TP73: variants seen among roughly 807,000 people sequenced by gnomAD.
TP73 encodes the protein p53-like transcription factor.
Under a neutral mutation model 62.5 loss-of-function variants are expected in TP73, and 25 were observed. That is an observed-to-expected ratio of 0.40 (90% confidence interval 0.29 to 0.56). TP73 has a LOEUF of 0.56. TP73 is among the 20% of genes least tolerant of loss of function. The pLI is 0.46. For missense variants in TP73, 754 were observed against 913.3 expected, an observed-to-expected ratio of 0.83 and a Z score of 2.25; for synonymous variants, 423 against 377.5, an observed-to-expected ratio of 1.12 and a Z score of -1.40.
chr1:3,729,983 C>T lies in TP73; in HGVS notation c.1197-17C>T, dbSNP rs747834242. The T allele has an allele frequency of 6.4e-6, 10 of 1,571,316 alleles. No homozygotes were observed. In the Admixed American group the frequency reaches 1.6e-4, roughly 25 times the overall value. On this transcript the variant is annotated splice_polypyrimidine_tract_variant and intron_variant, in intron 10 of 13. Coordinates refer to ENST00000378295, the MANE Select transcript of TP73 (RefSeq NM_005427.4). Reference sequence around the variant, plus strand: ...CTGCCTTGCTTCCCACCCATGCGAGCCGTTGCTTCTGAGCAGGAGTCACCT... The same window carrying T: ...CTGCCTTGCTTCCCACCCATGCGAGTCGTTGCTTCTGAGCAGGAGTCACCT...
In TP73 at chr1:3,663,361, G is replaced by A. The variant is rs1232372424; in HGVS notation, c.-34+10720G>A. 6.6e-6 allele frequency among the ~76,000 whole-genome samples: 1 copy of A among 152,228 alleles called. No individual in the cohort carries two copies. Among genetic ancestry groups the A allele is most frequent in the Non-Finnish European group, 1.5e-5 (1 of 68,034 alleles). ...TTGAGAATGGAACACCCATCGAACC[G>A]GGGAACTCTGCATATTTTCCTCCTG... is the stretch of plus-strand genomic sequence containing the variant. On this transcript the variant is annotated intron_variant, in intron 1 of 13. Coordinates refer to ENST00000378295, the MANE Select transcript of TP73 (RefSeq NM_005427.4). This position sits in a 1 kb window ranked among gnomAD's most constrained non-coding sequence, Gnocchi z 4.7.
intron 6 of TP73, among the ~76,000 whole-genome samples, chr1:3,725,723 G>T (rs1445711537): frequency 1.6e-5 from 2 of 124,540 alleles, no homozygotes; most frequent in Non-Finnish European, 3.4e-5. Context: ...TGTTTAGATG[G>T]ATGGATAGAT....
intron 6 of TP73, among the ~76,000 whole-genome samples, chr1:3,723,917 A>C (rs1383245158): frequency 6.6e-6 from 1 of 152,044 alleles, no homozygotes; most frequent in East Asian, 1.9e-4. Flanking sequence ...AAGGGGGTTG[A>C]GGGATGGTGG....
At chr1:3,653,251 G>A (rs767432155) in intron 1 of TP73, among the ~76,000 whole-genome samples, 3 of 152,230 alleles carry the variant, frequency 2.0e-5, no homozygotes, top group Non-Finnish European at 4.4e-5. Flanking sequence ...TCTGTCGAGG[G>A]CTCCTGGCCT....
intron 3 of TP73, among the ~76,000 whole-genome samples, chr1:3,686,510 C>T (rs139844736): frequency 3.2e-4 from 49 of 152,264 alleles, no homozygotes; most frequent in African/African-American, 5.1e-4. Flanking sequence ...TGCCCAACCC[C>T]GTGGGCCTCG....
intron 1 of TP73, among the ~76,000 whole-genome samples, chr1:3,667,183 G>C (rs1258246292): frequency 6.6e-6 from 1 of 152,226 alleles, no homozygotes; most frequent in Non-Finnish European, 1.5e-5. Context: ...CCAGAACCAA[G>C]AGAAGACAGG....
chr1:3,692,150 A>C (rs939321833), intron 3 of TP73, among the ~76,000 whole-genome samples: 1 of 152,052 alleles, frequency 6.6e-6, no homozygotes, highest in African/African-American at 2.4e-5. Context: ...TTGGTACTGC[A>C]GGTGTGATTG....
At chr1:3,716,138 T>C (rs972351658) in intron 4 of TP73, among the ~76,000 whole-genome samples, 14 of 152,308 alleles carry the variant, frequency 9.2e-5, no homozygotes, top group Admixed American at 4.6e-4. Context: ...TCTGGGGCTC[T>C]AGCAGGCCTC....
In TP73 at chr1:3,670,719, A is replaced by G. The variant is rs771473906; in HGVS notation, c.-33-11614A>G. The stretch of plus-strand genomic sequence containing the variant: ...AGGAAAAGAAAAAGAAAAAGTGAGG[A>G]GAAATGAGGAGGAAGTCGAGCAATT... On this transcript the variant is annotated intron_variant, in intron 1 of 13. Coordinates refer to ENST00000378295, the MANE Select transcript of TP73 (RefSeq NM_005427.4). This position sits in a 1 kb window ranked among gnomAD's most constrained non-coding sequence, Gnocchi z 5.9. Among the ~76,000 whole-genome samples the G allele has an allele frequency of 2.6e-5, 4 of 152,174 alleles. No individual in the cohort carries two copies. The highest frequency in any genetic ancestry group is 4.4e-5 in the Non-Finnish European group (3 of 68,030).
chr1:3,688,999 C>CAGA (rs1333124046), intron 3 of TP73, among the ~76,000 whole-genome samples: 1 of 152,208 alleles, frequency 6.6e-6, no homozygotes, highest in Non-Finnish European at 1.5e-5. Context: ...ACACCGCCTA[C>CAGA]AGAGGCTGAG....
chr1:3,671,544 A>G, intron 1 of TP73, among the ~76,000 whole-genome samples: 1 of 152,204 alleles, frequency 6.6e-6, no homozygotes, highest in East Asian at 1.9e-4. Context: ...TCTGCCCTGC[A>G]GGAGCCGGGG....
At chr1:3,655,261 C>G (rs1644841619) in intron 1 of TP73, among the ~76,000 whole-genome samples, 1 of 152,100 alleles carries the variant, frequency 6.6e-6, no homozygotes, top group Non-Finnish European at 1.5e-5. Flanking sequence ...GTGTCTGGTG[C>G]CTGTAGTCTC....
chr1:3,659,820 T>C (rs1041452117), intron 1 of TP73, among the ~76,000 whole-genome samples: 4 of 143,880 alleles, frequency 2.8e-5, no homozygotes, highest in Admixed American at 7.2e-5. Context: ...GTTACAGGCA[T>C]GCACCACCAC....
intron 3 of TP73, among the ~76,000 whole-genome samples, chr1:3,698,498 G>A (rs1638867324): frequency 1.3e-5 from 2 of 152,224 alleles, no homozygotes; most frequent in Non-Finnish European, 2.9e-5. Context: ...CAACCTGGAA[G>A]GGAGGGGCTG....
In TP73 at chr1:3,663,968, G is replaced by T. The variant is rs1054705209; in HGVS notation, c.-34+11327G>T. ...CTTGAGCCCAATCAGTACCCTGGGG[G>T]TCGTGGCCGGCCCCCCTCCCTCCAT... On this transcript the variant is annotated intron_variant, in intron 1 of 13. Coordinates refer to ENST00000378295, the MANE Select transcript of TP73 (RefSeq NM_005427.4). This position sits in a 1 kb window ranked among gnomAD's most constrained non-coding sequence, Gnocchi z 4.7. Among the ~76,000 whole-genome samples the T allele has an allele frequency of 6.6e-6, 1 of 152,176 alleles. No individual in the cohort carries two copies. Among genetic ancestry groups the T allele is most frequent in the Non-Finnish European group, 1.5e-5 (1 of 68,026 alleles).
chr1:3,722,273 G>C, intron 5 of TP73, 66 bp downstream of exon 5: 1 of 1,570,230 alleles, frequency 6.4e-7, no homozygotes, highest in Non-Finnish European at 8.7e-7. Flanking sequence ...GCACAGCCGG[G>C]GGCTGCCTAA....
At chr1:3,703,339 G>A (rs1013773928) in intron 3 of TP73, among the ~76,000 whole-genome samples, 1 of 152,208 alleles carries the variant, frequency 6.6e-6, no homozygotes, top group Admixed American at 6.5e-5. Flanking sequence ...TGAGCCTGAG[G>A]ATGAGAGGGG....
chr1:3,664,768 A>G (rs972211604), intron 1 of TP73, among the ~76,000 whole-genome samples: 6 of 152,158 alleles, frequency 3.9e-5, no homozygotes, highest in African/African-American at 9.7e-5. Context: ...GCTGGGCCTC[A>G]GAGAGGGGTA....
rs753140323 is a variant in TP73 at position 3,730,111 on chromosome 1, G to A, written c.1308G>A (p.Pro436=). ...ACCAGCTGGTGGGCCAGCCTCCCCC[G>A]CACAGTTCGGCAGCTACACCCAACC... is the stretch of plus-strand genomic sequence containing the variant. ...SVNQLVGQPP[P]HSSAATPNLG... is the part of the protein sequence containing the mutation. The change falls in exon 11 of 14, where the codon CCG becomes CCA. Residue 436 remains proline, a synonymous_variant. Coordinates refer to ENST00000378295, the MANE Select transcript of TP73 (RefSeq NM_005427.4). 45 of 1,573,980 alleles carry A rather than the reference G, an allele frequency of 2.9e-5. 1 individual carries two copies. The highest frequency in any genetic ancestry group is 5.4e-5 in the African/African-American group (4 of 74,098).
Sources: allele counts gnomAD v4.1 joint callset (sites outside exome capture counted in the v4.1 genomes callset), GRCh38; gene constraint gnomAD v4.1.1; non-coding constraint Gnocchi (gnomAD v3.1); transcripts MANE v1.5; gene names NCBI Gene and HGNC (gene_info 2026-07-23, HGNC 2026-07-21).